Variants in MMP16 observed in about 807,000 individuals in gnomAD.
MMP16 encodes the protein matrix metalloproteinase-16.
MMP16 carries 12 observed loss-of-function variants against 67.8 expected under a neutral mutation model. That is an observed-to-expected ratio of 0.18 (90% CI 0.11 to 0.29). MMP16 has a LOEUF of 0.29. Among genes scored for constraint, MMP16 ranks in the 10% least tolerant of loss-of-function variants. MMP16 has a pLI of 1.00. For synonymous variants in MMP16, 249 were observed against 255.9 expected (o/e 0.97, Z 0.26); for missense variants, 475 against 765.7 (o/e 0.62, Z 4.48).
intron 1 of MMP16, among the ~76,000 whole-genome samples, chr8:88,264,718 C>T (rs1164159080): frequency 4.6e-5 from 7 of 152,140 alleles, no homozygotes; most frequent in African/African-American, 1.7e-4. Context: ...GGGCCTTGGG[C>T]ACAGCACATA....
At chr8:88,100,480 G>T (rs929499093) in intron 6 of MMP16, among the ~76,000 whole-genome samples, 5 of 151,988 alleles carry the variant, frequency 3.3e-5, no homozygotes, top group Non-Finnish European at 7.4e-5. Flanking sequence ...GGAAACAACA[G>T]GTGCTGGAGA....
intron 1 of MMP16, among the ~76,000 whole-genome samples, chr8:88,215,285 G>A (rs1047634015): frequency 5.3e-5 from 8 of 151,604 alleles, no homozygotes; most frequent in Middle Eastern, 3.2e-3. Context: ...AGCTGAGATC[G>A]CACTCCAGCC....
At chr8:88,048,548 G>C (rs1340848342) in intron 8 of MMP16, among the ~76,000 whole-genome samples, 1 of 152,156 alleles carries the variant, frequency 6.6e-6, no homozygotes, top group African/African-American at 2.4e-5. Flanking sequence ...ACAAACCTAT[G>C]AGATAGTCAT....
At chr8:88,090,329 C>T (rs1437318130) in intron 6 of MMP16, among the ~76,000 whole-genome samples, 1 of 151,602 alleles carries the variant, frequency 6.6e-6, no homozygotes, top group Admixed American at 6.6e-5. Context: ...TTCAATTGAA[C>T]TGAAAGGGAA....
intron 1 of MMP16, among the ~76,000 whole-genome samples, chr8:88,299,914 A>G (rs1488099688): frequency 6.6e-6 from 1 of 152,226 alleles, no homozygotes; most frequent in Admixed American, 6.5e-5. Flanking sequence ...ATAAACAGCA[A>G]AAGGTTTAAC....
At chr8:88,234,888 C>G (rs1809916421) in intron 1 of MMP16, among the ~76,000 whole-genome samples, 1 of 152,158 alleles carries the variant, frequency 6.6e-6, no homozygotes, top group African/African-American at 2.4e-5. Context: ...ACCCAAGTTA[C>G]AGCCTGTGGG....
intron 1 of MMP16, among the ~76,000 whole-genome samples, chr8:88,209,344 A>C (rs966929660): frequency 6.6e-6 from 1 of 152,120 alleles, no homozygotes; most frequent in African/African-American, 2.4e-5. Flanking sequence ...CCACTTAATA[A>C]AAAATAAATA....
At chr8:88,217,012 A>T (rs567446050) in intron 1 of MMP16, among the ~76,000 whole-genome samples, 2 of 152,160 alleles carry the variant, frequency 1.3e-5, no homozygotes, top group East Asian at 3.9e-4. Flanking sequence ...TGTAACTATC[A>T]TTACTTATTT....
intron 1 of MMP16, among the ~76,000 whole-genome samples, chr8:88,241,471 A>G (rs1320007908): frequency 6.6e-6 from 1 of 152,132 alleles, no homozygotes; most frequent in African/African-American, 2.4e-5. Context: ...TTGAGAGCAG[A>G]TGAGATTATT....
At chr8:88,084,340 C>T (rs1413632672) in intron 6 of MMP16, among the ~76,000 whole-genome samples, 1 of 151,806 alleles carries the variant, frequency 6.6e-6, no homozygotes, top group Non-Finnish European at 1.5e-5. Context: ...CTAATTGGGC[C>T]TTCAGACTTA....
chr8:88,133,366 G>A (rs1193716303), intron 4 of MMP16, among the ~76,000 whole-genome samples: 1 of 151,824 alleles, frequency 6.6e-6, no homozygotes, highest in Non-Finnish European at 1.5e-5. Flanking sequence ...TAATCAGGCA[G>A]AAATACAGGG....
At chr8:88,157,609 C>T (rs565745241) in intron 4 of MMP16, among the ~76,000 whole-genome samples, 93 of 151,886 alleles carry the variant, frequency 6.1e-4, no homozygotes, top group African/African-American at 2.1e-3. Context: ...CCCACCACAG[C>T]GGCAAGAAAT....
chr8:88,299,045 G>A (rs1037140808), intron 1 of MMP16, among the ~76,000 whole-genome samples: 4 of 151,120 alleles, frequency 2.6e-5, no homozygotes, highest in Admixed American at 2.6e-4. Context: ...CACACAGTGG[G>A]AAAAAAAATA....
intron 1 of MMP16, among the ~76,000 whole-genome samples, chr8:88,307,891 G>A (rs1235618637): frequency 6.6e-6 from 1 of 151,968 alleles, no homozygotes; most frequent in African/African-American, 2.4e-5. Flanking sequence ...TTTATAAATA[G>A]ATGAAAGTCG....
At position 88,116,688 on chromosome 8, in the gene MMP16, C is replaced by T; in HGVS notation, c.902G>A (p.Arg301Lys). The T allele has an allele frequency of 6.2e-7, 1 of 1,613,516 alleles. No individual in the cohort carries two copies. The highest frequency in any genetic ancestry group is 1.1e-5 in the South Asian group (1 of 91,070). Residue 301 changes from arginine (R) to lysine (K), a missense_variant, in exon 6 of 10, where the codon AGA (arginine) becomes AAA (lysine). Physicochemically the swap from Arg to Lys is conservative, Grantham distance 26. This residue lies in a region of MMP16 where 195 missense variants were observed against 300.9 expected (regional missense o/e 0.65). Transcript: ENST00000286614. Reference sequence around the variant, plus strand: ...GTGTGGGGGCACTGTCGGTAGAGGTCTTGTAGGTGGAGGAATCTTGTCAGG... The same window carrying T: ...GTGTGGGGGCACTGTCGGTAGAGGTTTTGTAGGTGGAGGAATCTTGTCAGG... ...GPPDKIPPPT[R>K]PLPTVPPHRS...
At chr8:88,301,936 A>G (rs1323016144) in intron 1 of MMP16, among the ~76,000 whole-genome samples, 1 of 152,216 alleles carries the variant, frequency 6.6e-6, no homozygotes. Context: ...TCCACATAAT[A>G]AAATAACATT....
intron 4 of MMP16, among the ~76,000 whole-genome samples, chr8:88,129,659 C>T (rs1490634156): frequency 1.3e-5 from 2 of 151,226 alleles, no homozygotes; most frequent in Non-Finnish European, 3.0e-5. Flanking sequence ...TCTAAAGCAA[C>T]CCTCTTTCCA....
At chr8:88,159,307 G>T (rs1808571652) in intron 4 of MMP16, among the ~76,000 whole-genome samples, 1 of 152,160 alleles carries the variant, frequency 6.6e-6, no homozygotes, top group Non-Finnish European at 1.5e-5. Context: ...GGCATGGAAA[G>T]TTCTTCCATT....
chr8:88,181,541 GAT>G (rs910533739), intron 3 of MMP16, among the ~76,000 whole-genome samples: 97 of 151,134 alleles, frequency 6.4e-4, no homozygotes, highest in African/African-American at 2.2e-3. Context: ...TAAATAGGAA[GAT>G]ATCCATTTCC....
Sources: allele counts gnomAD v4.1 joint callset (sites outside exome capture counted in the v4.1 genomes callset), GRCh38; gene constraint gnomAD v4.1.1; regional missense constraint gnomAD v4.1.1; transcripts MANE v1.5; gene names NCBI Gene and HGNC (gene_info 2026-07-23, HGNC 2026-07-21).